HEPACAM2: variants seen among roughly 807,000 people sequenced by gnomAD.
The protein encoded by HEPACAM2 is HEPACAM family member 2.
A neutral mutation model predicts 49.6 loss-of-function variants in HEPACAM2; 49 were observed. The ratio of observed to expected loss-of-function variants is 0.99; its 90% confidence interval spans 0.78 to 1.25. The LOEUF is 1.25. Ranked by LOEUF, HEPACAM2 falls within the 50% of genes most tolerant of loss-of-function variation. HEPACAM2 has a pLI of 0.00. For missense variants in HEPACAM2, 525 were observed against 557.2 expected (o/e 0.94, Z 0.58); for synonymous variants, 197 against 202.9 (o/e 0.97, Z 0.25).
At chr7:93,231,724 G>T in the HEPACAM2 span, among the ~76,000 whole-genome samples, 1 of 152,158 alleles carries the variant, frequency 6.6e-6, no homozygotes, top group Non-Finnish European at 1.5e-5. Flanking sequence ...ACTCGTTATT[G>T]TCGTATTTCC....
intron 1 of HEPACAM2, among the ~76,000 whole-genome samples, chr7:93,222,910 TTAA>T (rs1794477142): frequency 6.6e-6 from 1 of 152,192 alleles, no homozygotes; most frequent in Non-Finnish European, 1.5e-5. Context: ...GGTTCATATA[TTAA>T]GTTGTCAATC....
chr7:93,213,120 T>C lies in HEPACAM2; in HGVS notation c.715+2281A>G, dbSNP rs1755293883. On this transcript the variant is annotated intron_variant, in intron 3 of 9. Transcript: ENST00000394468. The stretch of plus-strand genomic sequence containing the variant: ...TTGGGAGCAGATGGTAAGTATTTAC[T>C]GTGAATGACCTTTTTTCCCCTTTAA... Among the ~76,000 whole-genome samples the C allele has an allele frequency of 3.3e-5, 5 of 151,968 alleles. No individual in the cohort carries two copies. The South Asian group carries it at 1.0e-3, about 32-fold the overall frequency.
At chr7:93,225,928 G>A (rs1794530431) in intron 1 of HEPACAM2, 1 of 1,425,266 alleles carries the variant, frequency 7.0e-7, no homozygotes, top group Non-Finnish European at 9.4e-7. Flanking sequence ...TTAAAACGAA[G>A]CAGTAAACAG....
chr7:93,222,638 A>G (rs1794471761), intron 1 of HEPACAM2, among the ~76,000 whole-genome samples: 1 of 152,178 alleles, frequency 6.6e-6, no homozygotes, highest in South Asian at 2.1e-4. Context: ...ACTTGGGGTA[A>G]AATGGTGATT....
In HEPACAM2 at chr7:93,197,285, A is replaced by G. The variant is rs771930198; in HGVS notation, c.1164-7T>C. On this transcript the variant is annotated splice_polypyrimidine_tract_variant and splice_region_variant and intron_variant, in intron 6 of 9. Coordinates refer to ENST00000394468, the MANE Select transcript of HEPACAM2 (RefSeq NM_001039372.4). ...CCTGTATTCTGTTTCTGGCCTGAAA[A>G]GACAAAATAGGTATTTTTGTCAGGG... The G allele has an allele frequency of 1.4e-5, 22 of 1,610,542 alleles. No individual in the cohort carries two copies. In the East Asian group the frequency reaches 4.5e-4, roughly 33 times the overall value.
intron 4 of HEPACAM2, among the ~76,000 whole-genome samples, chr7:93,200,782 A>C (rs923144210): frequency 3.3e-5 from 5 of 152,206 alleles, no homozygotes; most frequent in South Asian, 2.1e-4. Context: ...AGTCTTTATA[A>C]ATTTTTATTT....
chr7:93,226,383 A>G lies in HEPACAM2; in HGVS notation c.64T>C (p.Tyr22His), dbSNP rs774084236. 1.9e-6 allele frequency: 3 copies of G among 1,612,558 alleles called. No individual in the cohort carries two copies. Among genetic ancestry groups the G allele is most frequent in the Non-Finnish European group, 2.5e-6 (3 of 1,178,930 alleles). ...AGGGCCTTACCGAAGAGAAGGAGGT[A>G]TATTTTGCACTGAAAGACCCCAAGT... ...DTLGVFQCKI[Y>H]LLLFGACSGL... Residue 22 changes from tyrosine to histidine, a missense_variant, in exon 1 of 10, where the codon TAC becomes CAC. By Grantham distance (83) the Tyr-to-His change is moderately conservative. Transcript: ENST00000394468.
chr7:93,225,744 A>G (rs939580939), intron 1 of HEPACAM2: 1 of 394,220 alleles, frequency 2.5e-6, no homozygotes, highest in African/African-American at 2.1e-5. Flanking sequence ...AATGAGGGAA[A>G]ATATTAAGGT....
At chr7:93,192,511 C>G (rs1403615455) in intron 8 of HEPACAM2, 148 bp from the exon 9 acceptor site, 1 of 633,838 alleles carries the variant, frequency 1.6e-6, no homozygotes, top group South Asian at 1.9e-5. Context: ...TTCCTCCTTG[C>G]TACACTTTTC....
chr7:93,199,401 A>T (rs1014019183), intron 4 of HEPACAM2, among the ~76,000 whole-genome samples: 2 of 152,114 alleles, frequency 1.3e-5, no homozygotes, highest in African/African-American at 4.8e-5. Flanking sequence ...CACTGTTAGA[A>T]GGCTGACCTT....
At chr7:93,224,347 G>A (rs569440846) in intron 1 of HEPACAM2, among the ~76,000 whole-genome samples, 18 of 151,850 alleles carry the variant, frequency 1.2e-4, no homozygotes, top group African/African-American at 4.3e-4. Context: ...CAAATATTTG[G>A]ACTTAAACGG....
intron 4 of HEPACAM2, among the ~76,000 whole-genome samples, chr7:93,197,853 G>A (rs564574575): frequency 1.3e-5 from 2 of 152,190 alleles, no homozygotes; most frequent in South Asian, 2.1e-4. Context: ...AACTGACTGT[G>A]TTGTACTAGG....
At position 93,202,878 on chromosome 7, in the gene HEPACAM2, G is replaced by A. The variant is rs571367681; in HGVS notation, c.1013-5268C>T. Among the ~76,000 whole-genome samples the A allele has an allele frequency of 3.9e-5, 6 of 152,228 alleles. No homozygotes were observed. The South Asian group carries it at 1.2e-3, about 32-fold the overall frequency. On this transcript the variant is annotated intron_variant, in intron 4 of 9. Transcript: ENST00000394468. Reference sequence around the variant, plus strand: ...TACAATGACTGGATGTCTTAGACTAGATAAGATACATATGTTCCCTTCTCC... The same window carrying A: ...TACAATGACTGGATGTCTTAGACTAAATAAGATACATATGTTCCCTTCTCC...
intron 8 of HEPACAM2, among the ~76,000 whole-genome samples, chr7:93,194,762 CT>C (rs1252136577): frequency 6.6e-6 from 1 of 152,076 alleles, no homozygotes; most frequent in Non-Finnish European, 1.5e-5. Flanking sequence ...AGCAAGTAAT[CT>C]GTTTTTATGG....
Position 93,215,552 on chromosome 7 carries a change from A to C in HEPACAM2, c.564T>G (p.Pro188=). 1.2e-6 allele frequency: 2 copies of C among 1,613,788 alleles called. No individual in the cohort carries two copies. Among genetic ancestry groups the C allele is most frequent in the Non-Finnish European group, 1.7e-6 (2 of 1,179,830 alleles). Reference sequence around the variant, plus strand: ...AGGAGTAGGTGGAGCTGGTGTGGACAGGTCTCCCATTTTTTAGCCATTGGT... The same window carrying C: ...AGGAGTAGGTGGAGCTGGTGTGGACCGGTCTCCCATTTTTTAGCCATTGGT... ...LAYQWLKNGR[P]VHTSSTYSFS... The change falls in exon 3 of 10, where the codon CCT becomes CCG. Residue 188 remains proline, a synonymous_variant. Transcript: ENST00000394468.
intron 9 of HEPACAM2, among the ~76,000 whole-genome samples, chr7:93,191,733 G>A (rs747316758): frequency 6.6e-5 from 10 of 152,020 alleles, no homozygotes; most frequent in Admixed American, 2.0e-4. Flanking sequence ...GTCCTCTATG[G>A]GTGAGAGGCC....
At chr7:93,217,876 C>G (rs112203990) in intron 2 of HEPACAM2, among the ~76,000 whole-genome samples, 15 of 140,088 alleles carry the variant, frequency 1.1e-4, no homozygotes, top group South Asian at 4.8e-4. Context: ...GCATGTGTGT[C>G]TGTGTGTGTG....
At position 93,215,506 on chromosome 7, in the gene HEPACAM2, G is replaced by A. The variant is rs35608547; in HGVS notation, c.610C>T (p.Leu204Phe). ...TCCTTGGTTACTGGAGCAATATGAA[G>A]GGTATTGTTTTGGGGAGAAAAGGAG... ...TYSFSPQNNT[L>F]HIAPVTKEDI... Residue 204 changes from leucine (L) to phenylalanine (F), a missense_variant, in exon 3 of 10, where the codon CTT (leucine) becomes TTT (phenylalanine). By Grantham distance (22) the Leu-to-Phe change is conservative. Coordinates refer to ENST00000394468, the MANE Select transcript of HEPACAM2 (RefSeq NM_001039372.4). 1.9e-3 allele frequency: 3,035 copies of A among 1,613,860 alleles called. 48 individuals carry two copies. The African/African-American group carries it at 0.033, about 18-fold the overall frequency.
intron 7 of HEPACAM2, 22 bp from the exon 8 acceptor site, chr7:93,195,923 G>A (rs1793705810): frequency 1.3e-6 from 2 of 1,551,304 alleles, no homozygotes; most frequent in African/African-American, 1.4e-5. Flanking sequence ...AACAAATACT[G>A]CTTACAAACC....
Sources: gnomAD v4.1 joint callset for allele counts (sites outside exome capture counted in the v4.1 genomes callset) on GRCh38, gnomAD v4.1.1 for gene constraint, MANE v1.5 for transcripts, NCBI Gene and HGNC (gene_info 2026-07-23, HGNC 2026-07-21) for gene names.